AGAP1: variants seen among roughly 807,000 people sequenced by gnomAD.
AGAP1 encodes arf-GAP with GTPase, ANK repeat and PH domain-containing protein 1.
In AGAP1, 29 loss-of-function variants were observed where a neutral mutation model predicts 105.3. The observed-to-expected ratio is 0.28, with a 90% CI of 0.21 to 0.38. AGAP1 has a LOEUF of 0.38. Ranked by LOEUF, AGAP1 falls within the 10% of genes least tolerant of loss-of-function variation. AGAP1 has a pLI of 1.00. For missense variants in AGAP1, 998 were observed against 1,165.1 expected (o/e 0.86, Z 2.09); for synonymous variants, 509 against 485.9 (o/e 1.05, Z -0.63).
At chr2:235,836,983 G>T (rs965605385) in intron 9 of AGAP1, among the ~76,000 whole-genome samples, 2 of 152,114 alleles carry the variant, frequency 1.3e-5, no homozygotes, top group African/African-American at 4.8e-5. Flanking sequence ...GTTGGGTTGG[G>T]GGGGTTGTGG....
intron 1 of AGAP1, among the ~76,000 whole-genome samples, chr2:235,541,141 A>T (rs1316517487): frequency 6.6e-6 from 1 of 152,148 alleles, no homozygotes; most frequent in East Asian, 1.9e-4. Context: ...AATAATCACC[A>T]TTGGGCACGT....
At chr2:235,795,591 A>G (rs1397890488) in intron 6 of AGAP1, among the ~76,000 whole-genome samples, 1 of 152,170 alleles carries the variant, frequency 6.6e-6, no homozygotes, top group Non-Finnish European at 1.5e-5. Context: ...ATATTTATAA[A>G]TCATTTTCTT....
chr2:235,578,557 C>T lies in AGAP1; in HGVS notation c.163+83708C>T, dbSNP rs558597351. On this transcript the variant is annotated intron_variant, in intron 1 of 17. Transcript: ENST00000304032. This position sits in a 1 kb window ranked among gnomAD's most constrained non-coding sequence, Gnocchi z 4.9. ...CAGCACTTTGGGAGGCTGAGGCAGG[C>T]GGATCACTTGAGGTCAGGAGTTTGA... Among the ~76,000 whole-genome samples, 37 of 151,910 alleles carry T rather than the reference C, an allele frequency of 2.4e-4. No homozygotes were observed. The highest frequency in any genetic ancestry group is 1.9e-4 in the East Asian group (1 of 5,140).
At chr2:235,853,168 T>G in intron 9 of AGAP1, 1 of 1,115,968 alleles carries the variant, frequency 9.0e-7, no homozygotes, top group East Asian at 5.0e-5. Context: ...GTACAAGCAG[T>G]GGTAGAAACA....
rs1030829951 is a variant in AGAP1 at position 235,965,069 on chromosome 2, G to A, written c.1484-3393G>A. Among the ~76,000 whole-genome samples, 2 of 152,196 alleles carry A rather than the reference G, an allele frequency of 1.3e-5. No individual in the cohort carries two copies. The stretch of plus-strand genomic sequence containing the variant: ...GTCTCAGGACTGCTGGCTACACCTC[G>A]GGTACAGTTAACCAAGGAGGTTTAC... On this transcript the variant is annotated intron_variant, in intron 12 of 17. Coordinates refer to ENST00000304032, the MANE Select transcript of AGAP1 (RefSeq NM_001037131.3). The surrounding 1 kb of genome is among the most constrained non-coding windows in gnomAD (Gnocchi z 5.8).
chr2:236,068,270 C>CA (rs985209643), intron 16 of AGAP1, among the ~76,000 whole-genome samples: 1 of 151,258 alleles, frequency 6.6e-6, no homozygotes. Context: ...GACTCCATCT[C>CA]AAAAAAACAA....
chr2:235,867,559 G>GTGTC lies in AGAP1; in HGVS notation c.1051-15783_1051-15782insCTGT, dbSNP rs2049233245. ...GCAGTGTGTGTGTGTGTGTGTGTGT[G>GTGTC]TGTGTGTGTGTGTGTGCAAGTGAGG... On this transcript the variant is annotated intron_variant, in intron 9 of 17. Coordinates refer to ENST00000304032, the MANE Select transcript of AGAP1 (RefSeq NM_001037131.3). This position sits in a 1 kb window ranked among gnomAD's most constrained non-coding sequence, Gnocchi z 5.4. Among the ~76,000 whole-genome samples, 1 of 149,412 alleles carries GTGTC rather than the reference G, an allele frequency of 6.7e-6. No homozygotes were observed. The highest frequency in any genetic ancestry group is 1.5e-5 in the Non-Finnish European group (1 of 67,260).
rs967841924 is a variant in AGAP1 at position 235,964,637 on chromosome 2, T to G, written c.1484-3825T>G. Among the ~76,000 whole-genome samples the G allele has an allele frequency of 6.6e-6, 1 of 152,186 alleles. No individual in the cohort carries two copies. Among genetic ancestry groups the G allele is most frequent in the African/African-American group, 2.4e-5 (1 of 41,456 alleles). On this transcript the variant is annotated intron_variant, in intron 12 of 17. Transcript: ENST00000304032. The surrounding 1 kb of genome is among the most constrained non-coding windows in gnomAD (Gnocchi z 4.6). The stretch of plus-strand genomic sequence containing the variant: ...ACGTTATGAGGCTTCTGAACACTGT[T>G]AAATCATAAATAAAAATTAATTAGG...
rs77335828 is a variant in AGAP1 at position 236,026,390 on chromosome 2, C to T, written c.1646-10171C>T. ...CACCTCTGTGTACCATGTCCCCCAG[C>T]ATTTACCAGACTGACCTGATTGTGT... On this transcript the variant is annotated intron_variant, in intron 13 of 17. Coordinates refer to ENST00000304032, the MANE Select transcript of AGAP1 (RefSeq NM_001037131.3). 4.8e-3 allele frequency among the ~76,000 whole-genome samples: 731 copies of T among 152,320 alleles called. 3 individuals are homozygous for T. Among genetic ancestry groups the T allele is most frequent in the African/African-American group, 0.017 (691 of 41,578 alleles).
At chr2:235,575,443 A>G (rs935519956) in intron 1 of AGAP1, among the ~76,000 whole-genome samples, 1 of 152,252 alleles carries the variant, frequency 6.6e-6, no homozygotes, top group Non-Finnish European at 1.5e-5. Flanking sequence ...CAGAAGCCAC[A>G]AAGGTGGTGC....
Position 235,958,224 on chromosome 2 carries a change from A to G in AGAP1, c.1484-10238A>G, listed in dbSNP as rs2054029827. On this transcript the variant is annotated intron_variant, in intron 12 of 17. Transcript: ENST00000304032. The surrounding 1 kb of genome is among the most constrained non-coding windows in gnomAD (Gnocchi z 4.1). The stretch of plus-strand genomic sequence containing the variant: ...GCAAATTCGTGGCGTGCCCCTCATC[A>G]AACTACGTCCCCTGAGGGAGAGTGG... Among the ~76,000 whole-genome samples, 1 of 152,062 alleles carries G rather than the reference A, an allele frequency of 6.6e-6. No homozygotes were observed. Among genetic ancestry groups the G allele is most frequent in the African/African-American group, 2.4e-5 (1 of 41,404 alleles).
chr2:235,894,423 A>G (rs2050700585), intron 10 of AGAP1, among the ~76,000 whole-genome samples: 1 of 152,192 alleles, frequency 6.6e-6, no homozygotes, highest in East Asian at 1.9e-4. Flanking sequence ...TGGCCCTTCA[A>G]GCCAGTGGTG....
chr2:235,560,478 C>G (rs1944112371), intron 1 of AGAP1, among the ~76,000 whole-genome samples: 1 of 152,068 alleles, frequency 6.6e-6, no homozygotes, highest in Admixed American at 6.6e-5. Flanking sequence ...GCAAAAGGGA[C>G]TTTACGGATG....
intron 13 of AGAP1, among the ~76,000 whole-genome samples, chr2:235,995,052 C>A (rs1426532425): frequency 3.8e-5 from 3 of 78,406 alleles, no homozygotes; most frequent in African/African-American, 1.0e-4. Context: ...GGAGACAGTA[C>A]AAGACTCTGT....
rs1352496081 is a variant in AGAP1, at chr2:235,659,295, C to G, written c.164-49884C>G. On this transcript the variant is annotated intron_variant, in intron 1 of 17. Coordinates refer to ENST00000304032, the MANE Select transcript of AGAP1 (RefSeq NM_001037131.3). This position sits in a 1 kb window ranked among gnomAD's most constrained non-coding sequence, Gnocchi z 5.0. ...TGTAAAATCGGGATAATAATAGTAC[C>G]TACCTCTCTGTGGCACTTTGGGGGT... 6.6e-6 allele frequency among the ~76,000 whole-genome samples: 1 copy of G among 152,128 alleles called. No individual in the cohort carries two copies. The highest frequency in any genetic ancestry group is 2.4e-5 in the African/African-American group (1 of 41,424).
chr2:235,570,896 A>G (rs1944491536), intron 1 of AGAP1, among the ~76,000 whole-genome samples: 1 of 152,252 alleles, frequency 6.6e-6, no homozygotes, highest in Non-Finnish European at 1.5e-5. Flanking sequence ...TCACACGGCT[A>G]TAAAGGAATA....
At chr2:235,884,446 T>A (rs538421151) in intron 10 of AGAP1, among the ~76,000 whole-genome samples, 1 of 146,796 alleles carries the variant, frequency 6.8e-6, no homozygotes. Context: ...TAGGTTATTT[T>A]TCACTGTTTT....
In AGAP1 at chr2:236,080,623, T is replaced by A. The variant is rs982174777; in HGVS notation, c.2114+31342T>A. 2.0e-5 allele frequency among the ~76,000 whole-genome samples: 3 copies of A among 152,220 alleles called. No homozygotes were observed. Among genetic ancestry groups the A allele is most frequent in the Non-Finnish European group, 4.4e-5 (3 of 68,038 alleles). ...AATAGGGTAGGTATAAGATTCCCAT[T>A]GCTGCTGTAACAAATTACCACCCAC... On this transcript the variant is annotated intron_variant, in intron 16 of 17. Coordinates refer to ENST00000304032, the MANE Select transcript of AGAP1 (RefSeq NM_001037131.3). This position sits in a 1 kb window ranked among gnomAD's most constrained non-coding sequence, Gnocchi z 4.2.
rs1945114431 is a variant in AGAP1 at position 235,586,423 on chromosome 2, T to A, written c.163+91574T>A. 6.6e-6 allele frequency among the ~76,000 whole-genome samples: 1 copy of A among 152,150 alleles called. No individual in the cohort carries two copies. Among genetic ancestry groups the A allele is most frequent in the African/African-American group, 2.4e-5 (1 of 41,442 alleles). Reference sequence around the variant, plus strand: ...AAGAGGCTGTGACCTCCCCAAATACTCGGACTCCCCTGTGGAAGGCAAGGT... The same window carrying A: ...AAGAGGCTGTGACCTCCCCAAATACACGGACTCCCCTGTGGAAGGCAAGGT... On this transcript the variant is annotated intron_variant, in intron 1 of 17. Transcript: ENST00000304032. This position sits in a 1 kb window ranked among gnomAD's most constrained non-coding sequence, Gnocchi z 4.2.
Sources: gnomAD v4.1 joint callset for allele counts (sites outside exome capture counted in the v4.1 genomes callset) on GRCh38, gnomAD v4.1.1 for gene constraint, Gnocchi (gnomAD v3.1) non-coding constraint, MANE v1.5 for transcripts, NCBI Gene and HGNC (gene_info 2026-07-23, HGNC 2026-07-21) for gene names.